Variants in GALNT9 observed in about 807,000 individuals in gnomAD.
The protein encoded by GALNT9 is GalNAc transferase 9.
A neutral mutation model predicts 63.1 loss-of-function variants in GALNT9; 47 were observed. The ratio of observed to expected loss-of-function variants is 0.75; its 90% CI spans 0.59 to 0.95. GALNT9 has a LOEUF of 0.95. GALNT9 is among the 40% of genes least tolerant of loss of function. The pLI, the probability that GALNT9 is intolerant of heterozygous loss-of-function variation, is 0.00. For missense variants in GALNT9, 829 were observed against 874.8 expected (o/e 0.95, Z 0.66); for synonymous variants, 396 against 365.7 (o/e 1.08, Z -0.94).
At chr12:132,219,995 C>T (rs1264686594) in intron 6 of GALNT9, among the ~76,000 whole-genome samples, 7 of 150,618 alleles carry the variant, frequency 4.6e-5, no homozygotes, top group South Asian at 2.1e-4. Flanking sequence ...CTGACTTCCA[C>T]GTCAGGAGTC....
chr12:132,300,807 C>T (rs1321457697), intron 1 of GALNT9, among the ~76,000 whole-genome samples: 2 of 152,152 alleles, frequency 1.3e-5, no homozygotes, highest in African/African-American at 4.8e-5. Flanking sequence ...AACCCACCCC[C>T]ACCACACCTA....
intron 6 of GALNT9, among the ~76,000 whole-genome samples, chr12:132,217,304 T>C (rs10794463): frequency 0.59 from 88,372 of 148,708 alleles, 26,310 homozygotes; most frequent in East Asian, 0.78. Context: ...CAGCCAGCCA[T>C]CAATCCATCC....
chr12:132,328,464 G>A (rs571948120), intron 1 of GALNT9, among the ~76,000 whole-genome samples: 13 of 152,230 alleles, frequency 8.5e-5, no homozygotes, highest in Non-Finnish European at 1.8e-4. Flanking sequence ...TAGCCCAGTG[G>A]TCGAAGCATT....
chr12:132,290,539 C>A (rs113782563), intron 1 of GALNT9, among the ~76,000 whole-genome samples: 1,615 of 152,058 alleles, frequency 0.011, 32 homozygotes, highest in African/African-American at 0.036. Flanking sequence ...GTCCACAGCA[C>A]CCACATCCAG....
At chr12:132,250,988 C>T (rs964115251) in intron 5 of GALNT9, among the ~76,000 whole-genome samples, 8 of 152,144 alleles carry the variant, frequency 5.3e-5, no homozygotes, top group Admixed American at 2.0e-4. Flanking sequence ...GCAGCGCGCG[C>T]GTAAGACACA....
chr12:132,269,097 C>A (rs1319894998), intron 2 of GALNT9, among the ~76,000 whole-genome samples: 1 of 152,236 alleles, frequency 6.6e-6, no homozygotes, highest in African/African-American at 2.4e-5. Flanking sequence ...AGGCCAAGGC[C>A]TGAGCCCTGG....
intron 1 of GALNT9, among the ~76,000 whole-genome samples, chr12:132,326,567 C>T (rs1370426912): frequency 1.3e-5 from 2 of 152,202 alleles, no homozygotes; most frequent in Non-Finnish European, 2.9e-5. Flanking sequence ...CCCTCCCGCT[C>T]CTCCAGCTCC....
At chr12:132,328,382 G>T (rs1869134985) in intron 1 of GALNT9, among the ~76,000 whole-genome samples, 2 of 152,286 alleles carry the variant, frequency 1.3e-5, no homozygotes, top group African/African-American at 4.8e-5. Flanking sequence ...GGAGTCTCAG[G>T]TCTCAGCTTC....
At chr12:132,312,729 A>T (rs1881859141) in intron 1 of GALNT9, among the ~76,000 whole-genome samples, 1 of 152,168 alleles carries the variant, frequency 6.6e-6, no homozygotes, top group South Asian at 2.1e-4. Context: ...CCCCCAGTGG[A>T]GTCCAGGGGA....
Position 132,329,118 on chromosome 12 carries a change from C to A in GALNT9, c.86G>T (p.Arg29Leu), listed in dbSNP as rs1176894907. ...GAGCTCCTGGGAGCGGCCCTGCAGGCGGCAGTACACGGAGAACAGGACGAT... is the reference window on the plus strand; with the variant it reads ...GAGCTCCTGGGAGCGGCCCTGCAGGAGGCAGTACACGGAGAACAGGACGAT... ...VGIVLFSVYC[R>L]LQGRSQELVR... Residue 29 changes from arginine (R) to leucine (L), a missense_variant, in exon 1 of 11, where the codon CGC (arginine) becomes CTC (leucine). Arg to Leu is a moderately radical substitution (Grantham distance 102). Transcript: ENST00000328957. 13 of 1,549,478 alleles carry A rather than the reference C, an allele frequency of 8.4e-6. No homozygotes were observed. The highest frequency in any genetic ancestry group is 1.1e-5 in the Non-Finnish European group (13 of 1,146,614).
At position 132,201,129 on chromosome 12, in the gene GALNT9, C is replaced by G; in HGVS notation, c.1396G>C (p.Gly466Arg). Residue 466 changes from glycine to arginine, a missense_variant, in exon 8 of 11, where the codon GGA (glycine) becomes CGA (arginine). Transcript: ENST00000328957. The part of the protein sequence containing the change: ...MRVYNNTLTY[G>R]EVRNSKASAY... Reference sequence around the variant, plus strand: ...GCCCTCGGGGGAGGTGCTACCTCTCCGTACGTGAGGGTGTTGTTGTAGACC... The same window carrying G: ...GCCCTCGGGGGAGGTGCTACCTCTCGGTACGTGAGGGTGTTGTTGTAGACC... 6.2e-7 allele frequency: 1 copy of G among 1,612,962 alleles called. No homozygotes were observed. Among genetic ancestry groups the G allele is most frequent in the Non-Finnish European group, 8.5e-7 (1 of 1,179,552 alleles).
intron 6 of GALNT9, among the ~76,000 whole-genome samples, chr12:132,210,847 CGCCGTCTGGCGGTT>C (rs1199737096): frequency 1.4e-5 from 2 of 144,732 alleles, no homozygotes; most frequent in African/African-American, 2.8e-5. Context: ...GTCTGGAGGT[CGCCGTCTGGCGGTT>C]GCCATCTGGA....
intron 2 of GALNT9, chr12:132,272,677 A>G (rs1358896101): frequency 1.3e-5 from 2 of 152,244 alleles, no homozygotes; most frequent in African/African-American, 2.4e-5. Flanking sequence ...TTTACCCATA[A>G]TACAGTACCC....
chr12:132,220,696 A>G (rs1446885047), intron 6 of GALNT9, among the ~76,000 whole-genome samples: 1 of 152,182 alleles, frequency 6.6e-6, no homozygotes, highest in African/African-American at 2.4e-5. Flanking sequence ...TGAGGGTCAA[A>G]GTCCCACCCA....
chr12:132,217,497 C>T (rs551024085), intron 6 of GALNT9, among the ~76,000 whole-genome samples: 27 of 149,020 alleles, frequency 1.8e-4, no homozygotes, highest in African/African-American at 4.7e-4. Context: ...CATGCATCCC[C>T]ACCCATCCAT....
chr12:132,235,305 C>G (rs1363968515), intron 6 of GALNT9, among the ~76,000 whole-genome samples: 2 of 151,340 alleles, frequency 1.3e-5, no homozygotes, highest in African/African-American at 2.4e-5. Flanking sequence ...GCGCTGTGCA[C>G]GGTGTGGTCA....
In GALNT9 at chr12:132,286,100, G is replaced by T; in HGVS notation, c.419+150C>A. On this transcript the variant is annotated intron_variant, in intron 2 of 10. Coordinates refer to ENST00000328957, the MANE Select transcript of GALNT9 (RefSeq NM_001122636.2). The surrounding 1 kb of genome is among the most constrained non-coding windows in gnomAD (Gnocchi z 7.4). ...CAGCGTGGGGGGCGGTCACTTCCCCGGCGGGCGTGGGGGGCGGTCACTTCC... is the reference window on the plus strand; with the variant it reads ...CAGCGTGGGGGGCGGTCACTTCCCCTGCGGGCGTGGGGGGCGGTCACTTCC... The T allele has an allele frequency of 2.8e-6, 3 of 1,062,972 alleles. No individual in the cohort carries two copies. The highest frequency in any genetic ancestry group is 3.0e-5 in the East Asian group (1 of 33,430). 65.8% of individuals were successfully genotyped at this position (1,062,972 alleles called of 1,614,324 possible).
rs1868471463 is a variant in GALNT9, at chr12:132,315,597, T to C, written c.238+13369A>G. On this transcript the variant is annotated intron_variant, in intron 1 of 10. Transcript: ENST00000328957. The surrounding 1 kb of genome is among the most constrained non-coding windows in gnomAD (Gnocchi z 6.1). ...AAAATAGCCCCTTTCTGCCGTGGGATGTGGGCGAGGTTGCGCCGCGGCTGC... is the reference window on the plus strand; with the variant it reads ...AAAATAGCCCCTTTCTGCCGTGGGACGTGGGCGAGGTTGCGCCGCGGCTGC... 2.0e-5 allele frequency among the ~76,000 whole-genome samples: 3 copies of C among 152,176 alleles called. No individual in the cohort carries two copies. The highest frequency in any genetic ancestry group is 7.2e-5 in the African/African-American group (3 of 41,436).
rs527730712 is a variant in GALNT9, at chr12:132,327,939, C to T, written c.238+1027G>A. Among the ~76,000 whole-genome samples, 49 of 152,088 alleles carry T rather than the reference C, an allele frequency of 3.2e-4. No individual in the cohort carries two copies. Among genetic ancestry groups the T allele is most frequent in the Non-Finnish European group, 5.9e-4 (40 of 68,014 alleles). The stretch of plus-strand genomic sequence containing the variant: ...CACATCCGGAGCCCCCGCCTGCCCG[C>T]GTAACCCCAGCTCCCGTCACCTCCC... On this transcript the variant is annotated intron_variant, in intron 1 of 10. Transcript: ENST00000328957. This position sits in a 1 kb window ranked among gnomAD's most constrained non-coding sequence, Gnocchi z 4.3.
Sources: gnomAD v4.1 joint callset for allele counts (sites outside exome capture counted in the v4.1 genomes callset) on GRCh38, gnomAD v4.1.1 for gene constraint, Gnocchi (gnomAD v3.1) non-coding constraint, MANE v1.5 for transcripts, NCBI Gene and HGNC (gene_info 2026-07-23, HGNC 2026-07-21) for gene names.